Variants in FARP1 observed in about 807,000 individuals in gnomAD.
FARP1 encodes FERM, ARHGEF and pleckstrin domain-containing protein 1.
FARP1 carries 52 observed loss-of-function variants against 128.8 expected under a neutral mutation model. That is an observed-to-expected ratio of 0.40 (90% confidence interval 0.32 to 0.51). The LOEUF is 0.51. Among genes scored for constraint, FARP1 ranks in the 20% least tolerant of loss-of-function variants. The pLI is 0.45. For missense variants in FARP1, 1,333 were observed against 1,367.9 expected, an observed-to-expected ratio of 0.97 and a Z score of 0.40; for synonymous variants, 580 against 551.8, an observed-to-expected ratio of 1.05 and a Z score of -0.72.
chr13:98,215,853 C>T lies in FARP1; in HGVS notation c.171+2440C>T, dbSNP rs145650522. 3.8e-3 allele frequency among the ~76,000 whole-genome samples: 581 copies of T among 151,292 alleles called. 1 individual carries two copies. The highest frequency in any genetic ancestry group is 0.013 in the African/African-American group (527 of 41,180). On this transcript the variant is annotated intron_variant, in intron 2 of 26. Coordinates refer to ENST00000319562, the MANE Select transcript of FARP1 (RefSeq NM_005766.4). ...GTCTCTAGGCTGAAGTGCAGTGGTG[C>T]GATCTCAGCTCATTGCAAACTCCTC...
At chr13:98,353,559 G>A (rs1403617592) in intron 3 of FARP1, among the ~76,000 whole-genome samples, 1 of 152,052 alleles carries the variant, frequency 6.6e-6, no homozygotes, top group East Asian at 1.9e-4. Flanking sequence ...TGTATTTTTA[G>A]TAGAGATGGG....
At chr13:98,235,016 C>T (rs1203937144) in intron 2 of FARP1, among the ~76,000 whole-genome samples, 1 of 152,168 alleles carries the variant, frequency 6.6e-6, no homozygotes, top group African/African-American at 2.4e-5. Flanking sequence ...ACAGAGCTAA[C>T]TAGATTTCTT....
intron 1 of FARP1, among the ~76,000 whole-genome samples, chr13:98,185,034 G>C (rs879102952): frequency 2.0e-5 from 3 of 152,182 alleles, no homozygotes; most frequent in Admixed American, 2.0e-4. Context: ...TTAGGAAAAA[G>C]TGTGTGGTAG....
At chr13:98,230,549 T>G (rs1311555946) in intron 2 of FARP1, among the ~76,000 whole-genome samples, 2 of 152,240 alleles carry the variant, frequency 1.3e-5, no homozygotes, top group East Asian at 3.8e-4. Flanking sequence ...GGGCTTGTTG[T>G]GAGGTCCCTG....
In FARP1 at chr13:98,446,065, G is replaced by T. The variant is rs190014731; in HGVS notation, c.2797-33G>T. 7.4e-6 allele frequency: 11 copies of T among 1,479,382 alleles called. No individual in the cohort carries two copies. The African/African-American group carries it at 1.5e-4, about 20-fold the overall frequency. The allele number at this position is 1,479,382 out of a possible 1,614,324, so 91.6% of individuals were successfully genotyped here. ...CTGTGCCCTCCTGGGGCAGGTGCCC[G>T]CTGTGCTTCTCACAGGCCTCCTTGC... is the stretch of plus-strand genomic sequence containing the variant. On this transcript the variant is annotated intron_variant, in intron 24 of 26. Transcript: ENST00000319562.
At chr13:98,256,367 G>A (rs1883584600) in intron 2 of FARP1, among the ~76,000 whole-genome samples, 1 of 152,106 alleles carries the variant, frequency 6.6e-6, no homozygotes, top group Non-Finnish European at 1.5e-5. Context: ...GGAGAAGAAT[G>A]GTGGTTATCA....
intron 9 of FARP1, 58 bp downstream of exon 9, chr13:98,388,536 C>A (rs563937786): frequency 7.5e-7 from 1 of 1,330,508 alleles, no homozygotes; most frequent in African/African-American, 1.4e-5. Flanking sequence ...GTGTGTCCTG[C>A]AAGGGGTGGA....
At chr13:98,369,065 A>ACT (rs1889219944) in intron 5 of FARP1, among the ~76,000 whole-genome samples, 1 of 151,940 alleles carries the variant, frequency 6.6e-6, no homozygotes, top group Admixed American at 6.6e-5. Context: ...AGCTGGGACT[A>ACT]CAGGTGCCCA....
intron 1 of FARP1, among the ~76,000 whole-genome samples, chr13:98,200,140 G>A (rs762345553): frequency 4.6e-5 from 7 of 152,190 alleles, no homozygotes; most frequent in Non-Finnish European, 8.8e-5. Flanking sequence ...ATTGGAAAAG[G>A]CATGCCACTT....
chr13:98,446,628 A>T (rs2281766), intron 25 of FARP1, 38 bp from the exon 26 acceptor site: 1 of 1,607,876 alleles, frequency 6.2e-7, no homozygotes, highest in Non-Finnish European at 8.5e-7. Context: ...GCAGAAGCTG[A>T]CCCCGAAAAG....
chr13:98,395,290 C>T lies in FARP1; in HGVS notation c.1228C>T (p.Arg410Trp), dbSNP rs578230162. 3 of 1,609,268 alleles carry T rather than the reference C, an allele frequency of 1.9e-6. No homozygotes were observed. Among genetic ancestry groups the T allele is most frequent in the South Asian group, 2.2e-5 (2 of 90,984 alleles). Residue 410 changes from arginine (R) to tryptophan (W), a missense_variant, in exon 13 of 27, where the codon CGG (arginine) becomes TGG (tryptophan). Coordinates refer to ENST00000319562, the MANE Select transcript of FARP1 (RefSeq NM_005766.4). ...CGAATCTCCAGGGGGCCAGAGCTGC[C>T]GGCGAGGAAAGGAACCGAAGGTTTC... ...GAESPGGQSC[R>W]RGKEPKVSAG...
At chr13:98,168,311 G>T (rs1386323579) in intron 1 of FARP1, among the ~76,000 whole-genome samples, 2 of 151,930 alleles carry the variant, frequency 1.3e-5, no homozygotes, top group Non-Finnish European at 2.9e-5. Context: ...TTCCTTTATC[G>T]CTGAGTTTTG....
chr13:98,163,423 C>T (rs1029140695), intron 1 of FARP1, among the ~76,000 whole-genome samples: 1 of 152,076 alleles, frequency 6.6e-6, no homozygotes, highest in African/African-American at 2.4e-5. Context: ...ATATAACAAA[C>T]CTGCACGTGT....
chr13:98,241,989 C>T (rs1882799844), intron 2 of FARP1, among the ~76,000 whole-genome samples: 1 of 152,122 alleles, frequency 6.6e-6, no homozygotes, highest in Non-Finnish European at 1.5e-5. Flanking sequence ...CCTGTAGTCC[C>T]AGCTACTCAG....
At chr13:98,346,757 C>A (rs980485866) in intron 3 of FARP1, among the ~76,000 whole-genome samples, 1 of 151,936 alleles carries the variant, frequency 6.6e-6, no homozygotes, top group Non-Finnish European at 1.5e-5. Flanking sequence ...AAAAAAAGTT[C>A]TTTTGATAGA....
chr13:98,383,309 A>G (rs1234776530), intron 6 of FARP1, among the ~76,000 whole-genome samples: 1 of 152,196 alleles, frequency 6.6e-6, no homozygotes, highest in African/African-American at 2.4e-5. Context: ...GAGCGTGGCA[A>G]TTTTACTCTA....
intron 2 of FARP1, among the ~76,000 whole-genome samples, chr13:98,250,709 A>C (rs1029081378): frequency 1.2e-4 from 18 of 148,362 alleles, no homozygotes; most frequent in African/African-American, 4.4e-4. Flanking sequence ...CGACAGAGCA[A>C]GACTCTGTCT....
chr13:98,329,884 A>G (rs650965), intron 2 of FARP1: 74,247 of 151,894 alleles, frequency 0.49, 18,221 homozygotes, highest in Middle Eastern at 0.54. Context: ...GCAGAGAAAG[A>G]CGGCAGTGTG....
intron 3 of FARP1, among the ~76,000 whole-genome samples, chr13:98,352,587 A>G (rs978965033): frequency 1.6e-4 from 25 of 152,322 alleles, no homozygotes; most frequent in South Asian, 4.1e-4. Flanking sequence ...TTGAAAAGCT[A>G]CTCTGAACCA....
Sources: gnomAD v4.1 joint callset for allele counts (sites outside exome capture counted in the v4.1 genomes callset) on GRCh38, gnomAD v4.1.1 for gene constraint, MANE v1.5 for transcripts, NCBI Gene and HGNC (gene_info 2026-07-23, HGNC 2026-07-21) for gene names.